CACNA2D3: variants seen among roughly 807,000 people sequenced by gnomAD.
The protein encoded by CACNA2D3 is calcium voltage-gated channel auxiliary subunit alpha2delta 3.
CACNA2D3 carries 60 observed loss-of-function variants against 160.6 expected under a neutral mutation model. That is an observed-to-expected ratio of 0.37 (90% CI 0.30 to 0.46). The LOEUF is 0.46. CACNA2D3 is among the 20% of genes least tolerant of loss of function. The pLI, the probability that CACNA2D3 is intolerant of heterozygous loss-of-function variation, is 1.00. For synonymous variants in CACNA2D3, 558 were observed against 492.9 expected, an observed-to-expected ratio of 1.13 and a Z score of -1.75; for missense variants, 1,205 against 1,365.0, an observed-to-expected ratio of 0.88 and a Z score of 1.85.
intron 4 of CACNA2D3, among the ~76,000 whole-genome samples, chr3:54,463,056 A>T (rs1236228243): frequency 1.3e-5 from 2 of 151,784 alleles, no homozygotes; most frequent in Non-Finnish European, 2.9e-5. Context: ...GCTGGATATG[A>T]AATTCTGGGT....
chr3:54,526,847 C>T (rs977917735), intron 5 of CACNA2D3, among the ~76,000 whole-genome samples: 6 of 152,266 alleles, frequency 3.9e-5, no homozygotes, highest in East Asian at 1.9e-4. Context: ...CCCGTCACCA[C>T]GCCCAGCTGA....
At chr3:54,578,464 C>T (rs550411395) in intron 8 of CACNA2D3, among the ~76,000 whole-genome samples, 1 of 152,312 alleles carries the variant, frequency 6.6e-6, no homozygotes, top group African/African-American at 2.4e-5. Flanking sequence ...GAAGCAGTTC[C>T]GTGCACAGGG....
chr3:54,250,449 T>G (rs978556409), intron 2 of CACNA2D3, among the ~76,000 whole-genome samples: 2 of 152,180 alleles, frequency 1.3e-5, no homozygotes, highest in African/African-American at 4.8e-5. Context: ...ATACTTTTTT[T>G]AAGGAGCAAG....
At chr3:54,247,976 AAC>A (rs1702114239) in intron 2 of CACNA2D3, among the ~76,000 whole-genome samples, 1 of 152,220 alleles carries the variant, frequency 6.6e-6, no homozygotes, top group African/African-American at 2.4e-5. Context: ...TAGGAAATGT[AAC>A]AGTCTTTCCT....
At chr3:54,609,711 A>T (rs1297410434) in intron 9 of CACNA2D3, among the ~76,000 whole-genome samples, 1 of 152,242 alleles carries the variant, frequency 6.6e-6, no homozygotes, top group Non-Finnish European at 1.5e-5. Flanking sequence ...GACTTCTCAG[A>T]GCTTTTAAAA....
chr3:54,646,938 T>C (rs954158733), intron 11 of CACNA2D3, among the ~76,000 whole-genome samples: 4 of 152,150 alleles, frequency 2.6e-5, no homozygotes, highest in Non-Finnish European at 5.9e-5. Context: ...GCAGAGAGAC[T>C]CTCCCTGATG....
At chr3:54,548,896 A>G (rs887304735) in intron 5 of CACNA2D3, among the ~76,000 whole-genome samples, 1 of 152,072 alleles carries the variant, frequency 6.6e-6, no homozygotes, top group African/African-American at 2.4e-5. Context: ...TCTCCTCCTA[A>G]TTCATCTGGT....
intron 35 of CACNA2D3, among the ~76,000 whole-genome samples, chr3:55,058,783 C>T (rs992736986): frequency 3.3e-5 from 5 of 151,998 alleles, no homozygotes; most frequent in African/African-American, 1.2e-4. Context: ...GAGGCAGAAA[C>T]GTTACATGCT....
intron 17 of CACNA2D3, among the ~76,000 whole-genome samples, chr3:54,871,300 A>G (rs1372800748): frequency 6.6e-6 from 1 of 152,108 alleles, no homozygotes; most frequent in Non-Finnish European, 1.5e-5. Context: ...AGGTAAATTC[A>G]TATCAAGCAA....
At chr3:54,266,946 G>A (rs1212808633) in intron 2 of CACNA2D3, among the ~76,000 whole-genome samples, 3 of 151,958 alleles carry the variant, frequency 2.0e-5, no homozygotes, top group Non-Finnish European at 4.4e-5. Context: ...TCTGTCTTTT[G>A]TTGACTTTAC....
intron 2 of CACNA2D3, among the ~76,000 whole-genome samples, chr3:54,265,399 TA>T (rs1702481026): frequency 6.6e-6 from 1 of 151,624 alleles, no homozygotes; most frequent in Non-Finnish European, 1.5e-5. Context: ...GGTTGGGGGA[TA>T]GGGGAGGGAG....
At chr3:54,407,594 C>A (rs1404176128) in intron 4 of CACNA2D3, among the ~76,000 whole-genome samples, 1 of 152,086 alleles carries the variant, frequency 6.6e-6, no homozygotes, top group Non-Finnish European at 1.5e-5. Flanking sequence ...GTTACACACA[C>A]ACACATCTGA....
At chr3:54,797,221 G>A (rs1190685011) in intron 13 of CACNA2D3, among the ~76,000 whole-genome samples, 1 of 152,204 alleles carries the variant, frequency 6.6e-6, no homozygotes, top group Admixed American at 6.5e-5. Context: ...AAGAGACACA[G>A]GGTTGTCTTT....
intron 27 of CACNA2D3, among the ~76,000 whole-genome samples, chr3:54,963,024 A>G (rs1210065754): frequency 6.6e-6 from 1 of 152,198 alleles, no homozygotes; most frequent in Non-Finnish European, 1.5e-5. Flanking sequence ...TATTAACATG[A>G]TATGAGATGC....
chr3:54,470,338 A>G (rs960479563), intron 4 of CACNA2D3, among the ~76,000 whole-genome samples: 3 of 152,220 alleles, frequency 2.0e-5, no homozygotes, highest in African/African-American at 4.8e-5. Context: ...ACTAAGCTTC[A>G]TAAGTGAAGG....
chr3:54,775,069 C>G (rs895305500), intron 13 of CACNA2D3, among the ~76,000 whole-genome samples: 1 of 152,136 alleles, frequency 6.6e-6, no homozygotes, highest in Admixed American at 6.5e-5. Flanking sequence ...ATTTATTTGC[C>G]TTTCAGCATT....
chr3:54,409,081 C>CT (rs1487227097), intron 4 of CACNA2D3, among the ~76,000 whole-genome samples: 6 of 152,262 alleles, frequency 3.9e-5, no homozygotes, highest in Non-Finnish European at 8.8e-5. Context: ...TTTTATTGTG[C>CT]TTTGCTCTAT....
intron 18 of CACNA2D3, among the ~76,000 whole-genome samples, chr3:54,878,099 C>A (rs2106835105): frequency 6.6e-6 from 1 of 152,250 alleles, no homozygotes; most frequent in African/African-American, 2.4e-5. Flanking sequence ...CAAATCTAGA[C>A]AGCCTCGAAT....
intron 26 of CACNA2D3, 172 bp downstream of exon 26, chr3:54,897,042 T>A: frequency 1.5e-6 from 1 of 647,244 alleles, no homozygotes; most frequent in Non-Finnish European, 2.6e-6. Flanking sequence ...ATAAGAGTAA[T>A]AGCCTCAAAG....
Sources: allele counts gnomAD v4.1 joint callset (sites outside exome capture counted in the v4.1 genomes callset), GRCh38; gene constraint gnomAD v4.1.1; transcripts MANE v1.5; gene names NCBI Gene and HGNC (gene_info 2026-07-23, HGNC 2026-07-21).